The following TRIM25 variants were observed in gnomAD, a reference collection of about 807,000 sequenced individuals.
TRIM25 encodes E3 ubiquitin/ISG15 ligase TRIM25.
A neutral mutation model predicts 65.2 loss-of-function variants in TRIM25; 45 were observed. The observed-to-expected ratio is 0.69, with a 90% CI of 0.54 to 0.89. The LOEUF is 0.89. Ranked by LOEUF, TRIM25 falls within the 40% of genes least tolerant of loss-of-function variation. The probability of loss-of-function intolerance (pLI) is 0.00; values close to 1 mark genes in which losing one functional copy is unlikely to be tolerated. For missense variants in TRIM25, 714 were observed against 803.7 expected, an observed-to-expected ratio of 0.89 and a Z score of 1.35; for synonymous variants, 321 against 340.4, an observed-to-expected ratio of 0.94 and a Z score of 0.63.
At chr17:56,900,262 C>G (rs551907576) in intron 4 of TRIM25, among the ~76,000 whole-genome samples, 2 of 152,046 alleles carry the variant, frequency 1.3e-5, no homozygotes, top group South Asian at 4.2e-4. Flanking sequence ...TGGTGTGTAT[C>G]TATAGTCCTA....
intron 6 of TRIM25, 138 bp downstream of exon 6, chr17:56,895,788 C>T: frequency 7.9e-7 from 1 of 1,267,682 alleles, no homozygotes; most frequent in Non-Finnish European, 1.1e-6. Context: ...CAGCCTCAGG[C>T]CTGCTGCCAT....
intron 8 of TRIM25, among the ~76,000 whole-genome samples, chr17:56,894,451 T>C (rs1245691912): frequency 1.3e-5 from 2 of 152,210 alleles, no homozygotes; most frequent in African/African-American, 2.4e-5. Flanking sequence ...GGTTTTGCCA[T>C]GTTGGCCAGG....
chr17:56,892,575 A>G (rs773414451), intron 8 of TRIM25, among the ~76,000 whole-genome samples: 1 of 152,008 alleles, frequency 6.6e-6, no homozygotes, highest in African/African-American at 2.4e-5. Context: ...TCATTCATTA[A>G]TCTATCCACT....
At chr17:56,904,929 T>C (rs140874208) in intron 2 of TRIM25, among the ~76,000 whole-genome samples, 11 of 152,274 alleles carry the variant, frequency 7.2e-5, no homozygotes, top group African/African-American at 2.4e-4. Context: ...CAGAAGAAGA[T>C]CCACCATATG....
intron 8 of TRIM25, among the ~76,000 whole-genome samples, chr17:56,893,623 C>T (rs1909228602): frequency 1.3e-5 from 2 of 152,252 alleles, no homozygotes; most frequent in Non-Finnish European, 2.9e-5. Context: ...CTGGCAGGTG[C>T]TGCCTGGAGT....
Position 56,895,414 on chromosome 17 carries a change from G to C in TRIM25, c.1292C>G (p.Pro431Arg). ...CTTGGCCTTGAGAGATGTTGAGTTCGGATGTGAGCTGGTGGCTTTGGCTGC... is the reference window on the plus strand; with the variant it reads ...CTTGGCCTTGAGAGATGTTGAGTTCCGATGTGAGCTGGTGGCTTTGGCTGC... The part of the protein sequence containing the change: ...EAAAKATSSH[P>R]NSTSLKAKVL... Residue 431 changes from proline to arginine, a missense_variant, in exon 8 of 9, where the codon CCG (proline) becomes CGG (arginine). Coordinates refer to ENST00000316881, the MANE Select transcript of TRIM25 (RefSeq NM_005082.5). 6.2e-7 allele frequency: 1 copy of C among 1,614,176 alleles called. No homozygotes were observed. Among genetic ancestry groups the C allele is most frequent in the Non-Finnish European group, 8.5e-7 (1 of 1,180,030 alleles).
chr17:56,910,932 G>A (rs1408897987), intron 1 of TRIM25, among the ~76,000 whole-genome samples: 1 of 152,186 alleles, frequency 6.6e-6, no homozygotes, highest in Non-Finnish European at 1.5e-5. Context: ...AGGACAGGGG[G>A]GTAGGTGTTG....
chr17:56,910,821 C>T (rs2525992), intron 1 of TRIM25, among the ~76,000 whole-genome samples: 117,053 of 152,258 alleles, frequency 0.77, 45,276 homozygotes, highest in East Asian at 0.83. Context: ...ACCCAGCCCC[C>T]GAGGCTAAGG....
At position 56,913,780 on chromosome 17, in the gene TRIM25, C is replaced by T; in HGVS notation, c.209G>A (p.Cys70Tyr). 6.4e-7 allele frequency: 1 copy of T among 1,559,344 alleles called. No individual in the cohort carries two copies. Among genetic ancestry groups the T allele is most frequent in the South Asian group, 1.2e-5 (1 of 82,946 alleles). Residue 70 changes from cysteine to tyrosine, a missense_variant, in exon 1 of 9, where the codon TGC becomes TAC. Cys to Tyr is a radical substitution (Grantham distance 194). Coordinates refer to ENST00000316881, the MANE Select transcript of TRIM25 (RefSeq NM_005082.5). The surrounding 1 kb of genome is among the most constrained non-coding windows in gnomAD (Gnocchi z 6.1). ...RPQLHKNTVL[C>Y]NVVEQFLQAD... ...CTGCAGGAACTGCTCCACCACGTTG[C>T]ACAGCACCGTGTTCTTGTGCAGCTG...
chr17:56,914,042 A>T lies in TRIM25; in HGVS notation c.-54T>A. Reference sequence around the variant, plus strand: ...CTGCACCCGCGCTCCGAGGCCGCCGAGGAAACGAAACCTAGCTCGAGAGGA... The same window carrying T: ...CTGCACCCGCGCTCCGAGGCCGCCGTGGAAACGAAACCTAGCTCGAGAGGA... On this transcript the variant is annotated 5_prime_UTR_variant, in exon 1 of 9. Transcript: ENST00000316881. 1 of 1,289,998 alleles carries T rather than the reference A, an allele frequency of 7.8e-7. No homozygotes were observed. The highest frequency in any genetic ancestry group is 1.0e-6 in the Non-Finnish European group (1 of 992,590). The allele number at this position is 1,289,998 out of a possible 1,614,324, so 79.9% of individuals were successfully genotyped here.
intron 5 of TRIM25, among the ~76,000 whole-genome samples, chr17:56,898,203 C>T (rs547173371): frequency 3.3e-5 from 5 of 152,008 alleles, no homozygotes; most frequent in East Asian, 3.9e-4. Flanking sequence ...AACATGTCAG[C>T]GGTATATGGA....
At chr17:56,908,357 CTG>C (rs532222304) in intron 2 of TRIM25, 109 bp downstream of exon 2, 66 of 1,018,670 alleles carry the variant, frequency 6.5e-5, no homozygotes, top group Non-Finnish European at 9.7e-5. Flanking sequence ...CATCCTGACA[CTG>C]TGAGTGCACC....
chr17:56,892,619 A>G (rs925689713), intron 8 of TRIM25, among the ~76,000 whole-genome samples: 14 of 152,070 alleles, frequency 9.2e-5, no homozygotes, highest in African/African-American at 3.1e-4. Context: ...CCATCCACCC[A>G]TCTATCCACC....
chr17:56,892,350 G>A, intron 8 of TRIM25, 121 bp from the exon 9 acceptor site: 1 of 1,096,696 alleles, frequency 9.1e-7, no homozygotes, highest in Non-Finnish European at 1.3e-6. Flanking sequence ...TCTACCCATT[G>A]GTCCATCCAT....
Position 56,913,494 on chromosome 17 carries a change from T to C in TRIM25, c.495A>G (p.Glu165=). 2 of 1,613,394 alleles carry C rather than the reference T, an allele frequency of 1.2e-6. No homozygotes were observed. The highest frequency in any genetic ancestry group is 1.7e-6 in the Non-Finnish European group (2 of 1,179,696). The change falls in exon 1 of 9, where the codon GAA becomes GAG. Residue 165 remains glutamate, a synonymous_variant. Coordinates refer to ENST00000316881, the MANE Select transcript of TRIM25 (RefSeq NM_005082.5). This position sits in a 1 kb window ranked among gnomAD's most constrained non-coding sequence, Gnocchi z 6.1. ...RKCSQHNRLR[E]FFCPEHSECI... Reference sequence around the variant, plus strand: ...ACTCGCTGTGCTCGGGGCAGAAAAATTCCCGCAGCCGATTGTGCTGGGAAC... The same window carrying C: ...ACTCGCTGTGCTCGGGGCAGAAAAACTCCCGCAGCCGATTGTGCTGGGAAC...
In TRIM25 at chr17:56,904,399, C is replaced by T. The variant is rs766353810; in HGVS notation, c.783G>A (p.Arg261=). 2.5e-6 allele frequency: 4 copies of T among 1,614,092 alleles called. No homozygotes were observed. The East Asian group carries it at 8.9e-5, about 36-fold the overall frequency. ...CCCTCTTCTCCTCTTCCTTTATCTT[C>T]CTTGTCGAGGTGGTCTCTGAGGCGT... ...LLDASETTST[R]KIKEEEKRVN... The change falls in exon 3 of 9, where the codon AGG becomes AGA. Residue 261 remains arginine (R), a synonymous_variant. Transcript: ENST00000316881.
At chr17:56,911,022 C>A (rs1012190032) in intron 1 of TRIM25, among the ~76,000 whole-genome samples, 7 of 151,902 alleles carry the variant, frequency 4.6e-5, no homozygotes, top group African/African-American at 1.7e-4. Context: ...CCCAGCACTT[C>A]AGGAGGCTGA....
intron 1 of TRIM25, among the ~76,000 whole-genome samples, chr17:56,911,242 T>G (rs943964809): frequency 6.6e-6 from 1 of 151,964 alleles, no homozygotes; most frequent in Non-Finnish European, 1.5e-5. Context: ...TAGTCCAGCC[T>G]GGGTGACTGA....
At chr17:56,895,838 A>T (rs1909281554) in intron 6 of TRIM25, 88 bp downstream of exon 6, 4 of 1,521,728 alleles carry the variant, frequency 2.6e-6, no homozygotes, top group South Asian at 2.4e-5. Context: ...CAGAACCCTG[A>T]TGAGAGAGGT....
Sources: allele counts gnomAD v4.1 joint callset (sites outside exome capture counted in the v4.1 genomes callset), GRCh38; gene constraint gnomAD v4.1.1; non-coding constraint Gnocchi (gnomAD v3.1); transcripts MANE v1.5; gene names NCBI Gene and HGNC (gene_info 2026-07-23, HGNC 2026-07-21).